Variants in ENTHD1 observed in about 807,000 individuals in gnomAD.
ENTHD1 encodes ENTH domain containing 1.
Under a neutral mutation model 39.1 loss-of-function variants are expected in ENTHD1, and 23 were observed. The ratio of observed to expected loss-of-function variants is 0.59; its 90% CI spans 0.42 to 0.83. ENTHD1 has a LOEUF of 0.83. Among genes scored for constraint, ENTHD1 ranks in the 40% least tolerant of loss-of-function variants. The pLI is 0.00. For synonymous variants in ENTHD1, 230 were observed against 258.2 expected, an observed-to-expected ratio of 0.89 and a Z score of 1.05; for missense variants, 624 against 705.4, an observed-to-expected ratio of 0.88 and a Z score of 1.31.
At chr22:39,773,254 G>A (rs930323799) in intron 5 of ENTHD1, among the ~76,000 whole-genome samples, 1 of 152,020 alleles carries the variant, frequency 6.6e-6, no homozygotes, top group Admixed American at 6.5e-5. Flanking sequence ...TATCAGCGGG[G>A]ATCTAGAAGA....
At chr22:39,874,351 A>T (rs2066269336) in intron 2 of ENTHD1, 1 of 152,168 alleles carries the variant, frequency 6.6e-6, no homozygotes, top group Non-Finnish European at 1.5e-5. Flanking sequence ...TGGAGGTCCT[A>T]AAAAGGGAGT....
chr22:39,837,786 G>A (rs1466227277), intron 3 of ENTHD1, among the ~76,000 whole-genome samples: 3 of 152,224 alleles, frequency 2.0e-5, no homozygotes, highest in Non-Finnish European at 4.4e-5. Flanking sequence ...ATGAGAGGCA[G>A]GGGTGCCATA....
intron 2 of ENTHD1, chr22:39,875,786 G>A: frequency 6.2e-7 from 1 of 1,613,456 alleles, no homozygotes; most frequent in Non-Finnish European, 8.5e-7. Flanking sequence ...CAAGAACATG[G>A]CTTTCAAATG....
intron 5 of ENTHD1, among the ~76,000 whole-genome samples, chr22:39,785,988 C>A (rs1310696960): frequency 6.6e-6 from 1 of 152,180 alleles, no homozygotes; most frequent in African/African-American, 2.4e-5. Flanking sequence ...CTTTCCTATT[C>A]ATCAAGAAAA....
At chr22:39,789,555 T>C (rs1159045226) in intron 5 of ENTHD1, among the ~76,000 whole-genome samples, 1 of 152,190 alleles carries the variant, frequency 6.6e-6, no homozygotes, top group Non-Finnish European at 1.5e-5. Context: ...CTTCATTTTT[T>C]ACATTCATTC....
chr22:39,761,803 G>A (rs181007766), intron 6 of ENTHD1, among the ~76,000 whole-genome samples: 165 of 151,874 alleles, frequency 1.1e-3, no homozygotes, highest in Non-Finnish European at 1.5e-3. Flanking sequence ...TTTGCCTGCC[G>A]AGATGCTCCT....
intron 2 of ENTHD1, among the ~76,000 whole-genome samples, chr22:39,877,157 C>T (rs1266746262): frequency 6.6e-6 from 1 of 152,146 alleles, no homozygotes; most frequent in Non-Finnish European, 1.5e-5. Context: ...GGGTCTTAAC[C>T]TAAGATAAAA....
intron 4 of ENTHD1, among the ~76,000 whole-genome samples, chr22:39,824,367 G>C (rs556823893): frequency 6.6e-6 from 1 of 151,726 alleles, no homozygotes; most frequent in Non-Finnish European, 1.5e-5. Context: ...ATGCCACCAC[G>C]ACCAGGTAAT....
At chr22:39,863,306 A>C (rs1365444669) in intron 2 of ENTHD1, among the ~76,000 whole-genome samples, 2 of 152,208 alleles carry the variant, frequency 1.3e-5, no homozygotes, top group Non-Finnish European at 2.9e-5. Context: ...GGACAAGAAA[A>C]GGGAGAGCAA....
intron 6 of ENTHD1, among the ~76,000 whole-genome samples, chr22:39,752,713 G>T (rs1341164718): frequency 6.6e-6 from 1 of 152,166 alleles, no homozygotes; most frequent in Non-Finnish European, 1.5e-5. Context: ...TACCTATAAA[G>T]TATAAGCTTT....
Position 39,743,307 on chromosome 22 carries a change from G to C in ENTHD1, c.*372C>G, listed in dbSNP as rs1309628066. 1 of 171,540 alleles carries C rather than the reference G, an allele frequency of 5.8e-6. No individual in the cohort carries two copies. Among genetic ancestry groups the C allele is most frequent in the African/African-American group, 2.4e-5 (1 of 41,684 alleles). 10.6% of individuals were successfully genotyped at this position (171,540 alleles called of 1,614,324 possible). A position where few individuals can be genotyped will look rare whatever the true frequency, so the allele number is the denominator to read the frequency against. On this transcript the variant is annotated 3_prime_UTR_variant, in exon 7 of 7. Transcript: ENST00000325157. ...GCTTGTTAACAAGCTCCATACAGTTGAAAGATAAAGAGCTTCTTCCTGCCT... is the reference window on the plus strand; with the variant it reads ...GCTTGTTAACAAGCTCCATACAGTTCAAAGATAAAGAGCTTCTTCCTGCCT...
chr22:39,804,472 A>G (rs1328852571), intron 5 of ENTHD1, among the ~76,000 whole-genome samples: 2 of 151,946 alleles, frequency 1.3e-5, no homozygotes, highest in Non-Finnish European at 2.9e-5. Flanking sequence ...AAAAAAAAAA[A>G]AATTGATAAT....
At chr22:39,816,453 G>A (rs1020221413) in intron 5 of ENTHD1, among the ~76,000 whole-genome samples, 1 of 152,048 alleles carries the variant, frequency 6.6e-6, no homozygotes, top group Non-Finnish European at 1.5e-5. Context: ...TTAACACTAT[G>A]GTACGCTGTT....
intron 4 of ENTHD1, among the ~76,000 whole-genome samples, chr22:39,829,657 G>T (rs1348888899): frequency 1.3e-5 from 2 of 151,946 alleles, no homozygotes; most frequent in African/African-American, 2.4e-5. Context: ...CGGGCATGGT[G>T]GCAGGCGCCT....
chr22:39,846,911 T>A (rs1392959696), intron 3 of ENTHD1, among the ~76,000 whole-genome samples: 1 of 152,050 alleles, frequency 6.6e-6, no homozygotes, highest in African/African-American at 2.4e-5. Flanking sequence ...CTGGAGAGGA[T>A]GTGGAGAAAT....
At chr22:39,766,019 CAAAAAAAAAAAA>C (rs11367784) in intron 5 of ENTHD1, among the ~76,000 whole-genome samples, 39 of 48,354 alleles carry the variant, frequency 8.1e-4, no homozygotes, top group East Asian at 3.1e-3. Flanking sequence ...CCCTCAGCTA[CAAAAAAAAAAAA>C]AAAAAAAAAA....
At chr22:39,876,641 C>A (rs2066292366) in intron 2 of ENTHD1, among the ~76,000 whole-genome samples, 1 of 151,988 alleles carries the variant, frequency 6.6e-6, no homozygotes, top group South Asian at 2.1e-4. Context: ...GTGATGGTTC[C>A]ACTCATCCAA....
chr22:39,809,708 T>A (rs887859192), intron 5 of ENTHD1, among the ~76,000 whole-genome samples: 1 of 152,144 alleles, frequency 6.6e-6, no homozygotes, highest in African/African-American at 2.4e-5. Context: ...AAGAGCTCTG[T>A]AGTGGTTGTC....
At chr22:39,755,832 C>T (rs772629296) in intron 6 of ENTHD1, among the ~76,000 whole-genome samples, 19 of 152,104 alleles carry the variant, frequency 1.2e-4, no homozygotes, top group Non-Finnish European at 2.2e-4. Context: ...ATTAAATCCC[C>T]ACAATATCTC....
Sources: allele counts gnomAD v4.1 joint callset (sites outside exome capture counted in the v4.1 genomes callset), GRCh38; gene constraint gnomAD v4.1.1; transcripts MANE v1.5; gene names NCBI Gene and HGNC (gene_info 2026-07-23, HGNC 2026-07-21).